Variants in FAM135B observed in about 807,000 individuals in gnomAD.
The protein encoded by FAM135B is protein FAM135B.
A neutral mutation model predicts 127.7 loss-of-function variants in FAM135B; 43 were observed. That is an observed-to-expected ratio of 0.34 (90% CI 0.26 to 0.43). The LOEUF (loss-of-function observed/expected upper bound fraction) is 0.43, where lower values mean the gene tolerates loss of function less well. Ranked by LOEUF, FAM135B falls within the 20% of genes least tolerant of loss-of-function variation. FAM135B has a pLI of 1.00. For missense variants in FAM135B, 1,558 were observed against 1,725.6 expected (o/e 0.90, Z 1.72); for synonymous variants, 670 against 665.1 (o/e 1.01, Z -0.11).
At chr8:138,408,033 A>C (rs1233568529) in intron 1 of FAM135B, among the ~76,000 whole-genome samples, 1 of 152,174 alleles carries the variant, frequency 6.6e-6, no homozygotes, top group Non-Finnish European at 1.5e-5. Context: ...TTGTTGTTCC[A>C]TTTCTAGAGC....
intron 1 of FAM135B, among the ~76,000 whole-genome samples, chr8:138,379,601 G>A (rs1049245215): frequency 2.6e-5 from 4 of 152,042 alleles, no homozygotes; most frequent in Admixed American, 2.6e-4. Context: ...CAGGGCCCAG[G>A]TACCAGGACT....
intron 9 of FAM135B, among the ~76,000 whole-genome samples, chr8:138,182,676 G>A (rs2131015934): frequency 6.6e-6 from 1 of 152,312 alleles, no homozygotes; most frequent in Non-Finnish European, 1.5e-5. Flanking sequence ...CTGTAGAAAG[G>A]TCATGGAAGG....
chr8:138,137,715 C>T (rs1816781697), intron 18 of FAM135B, among the ~76,000 whole-genome samples: 1 of 152,184 alleles, frequency 6.6e-6, no homozygotes, highest in Non-Finnish European at 1.5e-5. Context: ...CCAGCCTTCA[C>T]CACGTCCCAT....
At chr8:138,211,472 A>T (rs1818137725) in intron 7 of FAM135B, among the ~76,000 whole-genome samples, 1 of 152,194 alleles carries the variant, frequency 6.6e-6, no homozygotes. Context: ...TAAAATTTGG[A>T]TCATATCAAC....
intron 1 of FAM135B, among the ~76,000 whole-genome samples, chr8:138,389,702 T>C (rs919327339): frequency 5.3e-5 from 8 of 152,194 alleles, no homozygotes; most frequent in Middle Eastern, 3.2e-3. Context: ...AAGATTTCCT[T>C]CTGAGATGAT....
intron 1 of FAM135B, among the ~76,000 whole-genome samples, chr8:138,387,775 AT>A (rs1832307451): frequency 6.6e-6 from 1 of 152,262 alleles, no homozygotes; most frequent in Non-Finnish European, 1.5e-5. Flanking sequence ...TCACAGAATC[AT>A]GAACCACTTA....
At chr8:138,146,153 G>T in intron 14 of FAM135B, 103 bp from the exon 15 acceptor site, 2 of 649,852 alleles carry the variant, frequency 3.1e-6, no homozygotes, top group East Asian at 2.6e-5. Context: ...CATTTCTACT[G>T]GGTTTTGTCA....
At chr8:138,308,910 G>A (rs142662875) in intron 3 of FAM135B, 15 of 390,960 alleles carry the variant, frequency 3.8e-5, no homozygotes, top group Middle Eastern at 7.3e-4. Context: ...TCTCCTCTCC[G>A]AGGCTTTTAC....
chr8:138,435,828 T>A lies in FAM135B; in HGVS notation c.-20+60843A>T, dbSNP rs532057994. ...TCACCCCTTTGTTTAAGGGGTGACT[T>A]AAGCAAAGGAGGGGAGACTTCAAAT... On this transcript the variant is annotated intron_variant, in intron 1 of 19. Coordinates refer to ENST00000395297, the MANE Select transcript of FAM135B (RefSeq NM_015912.4). Among the ~76,000 whole-genome samples the A allele has an allele frequency of 2.6e-5, 4 of 152,314 alleles. No homozygotes were observed. In the East Asian group the frequency reaches 5.8e-4, roughly 22 times the overall value.
chr8:138,291,995 T>C (rs1412603700), intron 3 of FAM135B, among the ~76,000 whole-genome samples: 1 of 152,084 alleles, frequency 6.6e-6, no homozygotes, highest in South Asian at 2.1e-4. Context: ...TGTTGGCAGA[T>C]GACATGATCT....
At chr8:138,226,173 G>A (rs1178756592) in intron 7 of FAM135B, among the ~76,000 whole-genome samples, 2 of 143,952 alleles carry the variant, frequency 1.4e-5, no homozygotes, top group African/African-American at 5.3e-5. Context: ...GTGTGTGTGT[G>A]TGTGTGTGTG....
At chr8:138,329,064 A>C (rs1387286498) in intron 2 of FAM135B, among the ~76,000 whole-genome samples, 1 of 152,364 alleles carries the variant, frequency 6.6e-6, no homozygotes, top group South Asian at 2.1e-4. Context: ...CAGGTAAAGT[A>C]GGCCACCGAA....
intron 1 of FAM135B, among the ~76,000 whole-genome samples, chr8:138,490,925 T>A (rs957065022): frequency 1.3e-5 from 2 of 152,018 alleles, no homozygotes; most frequent in African/African-American, 4.8e-5. Flanking sequence ...GGTGGATCAC[T>A]TGAGGTCAAG....
At chr8:138,248,503 C>G (rs528317640) in intron 6 of FAM135B, among the ~76,000 whole-genome samples, 1 of 152,098 alleles carries the variant, frequency 6.6e-6, no homozygotes, top group African/African-American at 2.4e-5. Flanking sequence ...TCATCCCTGT[C>G]GGGTTAGTAT....
intron 2 of FAM135B, among the ~76,000 whole-genome samples, chr8:138,338,308 C>T (rs942571259): frequency 2.0e-5 from 3 of 151,576 alleles, no homozygotes; most frequent in South Asian, 2.1e-4. Flanking sequence ...AAACTACCAT[C>T]AGAGTGAACA....
At chr8:138,340,891 G>C (rs1423941472) in intron 2 of FAM135B, among the ~76,000 whole-genome samples, 1 of 152,176 alleles carries the variant, frequency 6.6e-6, no homozygotes, top group African/African-American at 2.4e-5. Context: ...GCCCCCGCAT[G>C]CTCTCCAAAT....
intron 3 of FAM135B, among the ~76,000 whole-genome samples, chr8:138,287,244 G>A (rs1395176731): frequency 6.6e-6 from 1 of 152,068 alleles, no homozygotes; most frequent in African/African-American, 2.4e-5. Context: ...AGAAGCAAAA[G>A]TTGTAGATGG....
intron 7 of FAM135B, among the ~76,000 whole-genome samples, chr8:138,211,764 C>T (rs35322621): frequency 0.12 from 18,405 of 152,162 alleles, 1,188 homozygotes; most frequent in African/African-American, 0.18. Context: ...TTATTGCCTC[C>T]ACTATAAAAT....
At chr8:138,389,710 G>A (rs901152964) in intron 1 of FAM135B, among the ~76,000 whole-genome samples, 1 of 152,184 alleles carries the variant, frequency 6.6e-6, no homozygotes, top group African/African-American at 2.4e-5. Context: ...CTTCTGAGAT[G>A]ATGAAATATT....
Sources: gnomAD v4.1 joint callset for allele counts (sites outside exome capture counted in the v4.1 genomes callset) on GRCh38, gnomAD v4.1.1 for gene constraint, MANE v1.5 for transcripts, NCBI Gene and HGNC (gene_info 2026-07-23, HGNC 2026-07-21) for gene names.